Variants in IGF1R observed in about 807,000 individuals in gnomAD.
The protein encoded by IGF1R is insulin like growth factor 1 receptor.
A neutral mutation model predicts 144.6 loss-of-function variants in IGF1R; 44 were observed. The ratio of observed to expected loss-of-function variants is 0.30; its 90% CI spans 0.24 to 0.39. IGF1R has a LOEUF of 0.39. IGF1R is among the 10% of genes least tolerant of loss of function. IGF1R has a pLI of 1.00. For missense variants in IGF1R, 1,355 were observed against 1,833.7 expected (o/e 0.74, Z 4.77); for synonymous variants, 795 against 722.8 (o/e 1.10, Z -1.60).
intron 1 of IGF1R, among the ~76,000 whole-genome samples, chr15:98,676,136 C>A (rs2053037389): frequency 6.6e-6 from 1 of 151,746 alleles, no homozygotes; most frequent in Admixed American, 6.6e-5. Flanking sequence ...AGCCTAGAGA[C>A]TCTATTTTAT....
At chr15:98,680,257 A>T (rs1469968267) in intron 1 of IGF1R, among the ~76,000 whole-genome samples, 1 of 147,226 alleles carries the variant, frequency 6.8e-6, no homozygotes, top group Non-Finnish European at 1.5e-5. Flanking sequence ...GTACTCCCAT[A>T]TACGTATGTA....
intron 19 of IGF1R, among the ~76,000 whole-genome samples, chr15:98,943,620 G>A (rs1032299260): frequency 2.6e-5 from 4 of 152,206 alleles, no homozygotes; most frequent in Non-Finnish European, 5.9e-5. Context: ...GAAGCCCATC[G>A]ACCGAGGGAT....
chr15:98,952,065 G>A (rs150454741), intron 20 of IGF1R, among the ~76,000 whole-genome samples: 2 of 152,248 alleles, frequency 1.3e-5, no homozygotes, highest in Non-Finnish European at 2.9e-5. Context: ...TAGGCAGCAG[G>A]CCAGATTTTA....
intron 2 of IGF1R, among the ~76,000 whole-genome samples, chr15:98,816,787 A>G (rs1276805571): frequency 1.3e-5 from 2 of 152,182 alleles, no homozygotes; most frequent in African/African-American, 2.4e-5. Context: ...CAAACATGGC[A>G]GCTTTCTTTG....
At chr15:98,698,203 T>C (rs113967810) in intron 1 of IGF1R, among the ~76,000 whole-genome samples, 12,327 of 151,488 alleles carry the variant, frequency 0.081, 692 homozygotes, top group African/African-American at 0.15. Flanking sequence ...CATGCCTGGC[T>C]AATTTTTGTA....
intron 1 of IGF1R, among the ~76,000 whole-genome samples, chr15:98,674,184 G>A (rs1025703113): frequency 2.6e-5 from 4 of 152,158 alleles, no homozygotes; most frequent in Non-Finnish European, 5.9e-5. Flanking sequence ...CATTGAAACA[G>A]GATTTGTTAT....
intron 2 of IGF1R, among the ~76,000 whole-genome samples, chr15:98,750,107 T>C (rs1263548284): frequency 6.6e-6 from 1 of 151,270 alleles, no homozygotes; most frequent in Non-Finnish European, 1.5e-5. Flanking sequence ...TTCTCTTTTG[T>C]CATTCTCAAC....
chr15:98,657,234 A>T (rs2052506797), intron 1 of IGF1R, among the ~76,000 whole-genome samples: 1 of 152,224 alleles, frequency 6.6e-6, no homozygotes, highest in Non-Finnish European at 1.5e-5. Flanking sequence ...AGATGAATTT[A>T]TTTGTAGGAG....
Position 98,707,590 on chromosome 15 carries a change from C to G in IGF1R, c.123C>G (p.Asn41Lys). The G allele has an allele frequency of 6.2e-7, 1 of 1,614,242 alleles. No individual in the cohort carries two copies. The highest frequency in any genetic ancestry group is 8.5e-7 in the Non-Finnish European group (1 of 1,180,036). Reference sequence around the variant, plus strand: ...GCGGGCCAGGCATCGACATCCGCAACGACTATCAGCAGCTGAAGCGCCTGG... The same window carrying G: ...GCGGGCCAGGCATCGACATCCGCAAGGACTATCAGCAGCTGAAGCGCCTGG... The part of the protein sequence containing the change: ...EICGPGIDIR[N>K]DYQQLKRLEN... The change falls in exon 2 of 21, where the codon AAC becomes AAG. Residue 41 changes from asparagine (N) to lysine (K), a missense_variant. This residue lies in a region of IGF1R where 75 missense variants were observed against 160.0 expected (regional missense o/e 0.47). Coordinates refer to ENST00000650285, the MANE Select transcript of IGF1R (RefSeq NM_000875.5). The surrounding 1 kb of genome is among the most constrained non-coding windows in gnomAD (Gnocchi z 6.7).
At chr15:98,844,085 ATTTG>A (rs1187242124) in intron 2 of IGF1R, among the ~76,000 whole-genome samples, 3 of 152,208 alleles carry the variant, frequency 2.0e-5, no homozygotes, top group East Asian at 1.9e-4. Context: ...AATAATATCT[ATTTG>A]TTCATGTTAG....
chr15:98,706,996 T>G (rs2053880145), intron 1 of IGF1R, among the ~76,000 whole-genome samples: 1 of 152,198 alleles, frequency 6.6e-6, no homozygotes, highest in African/African-American at 2.4e-5. Context: ...GAGAACACAG[T>G]CTACTCGGCT....
At chr15:98,818,951 C>T (rs1454946785) in intron 2 of IGF1R, among the ~76,000 whole-genome samples, 13 of 152,088 alleles carry the variant, frequency 8.5e-5, no homozygotes, top group Admixed American at 8.5e-4. Context: ...GTGAAAGATA[C>T]CTCTGAGACA....
rs1491024432 is a variant in IGF1R, at chr15:98,869,304, AAC to A, written c.641-22019_641-22018del. ...CAGCTTTCAATTAAAAAAAACAAAC[AAC>A]AACAACAACAAAAAAAAACACCACA... On this transcript the variant is annotated intron_variant, in intron 2 of 20. Transcript: ENST00000650285. Among the ~76,000 whole-genome samples, 419 of 92,168 alleles carry A rather than the reference AAC, an allele frequency of 4.5e-3. 4 individuals carry two copies. Among genetic ancestry groups the A allele is most frequent in the African/African-American group, 0.019 (393 of 21,206 alleles). The allele number at this position is 92,168 out of a possible 152,430, so 60.5% of individuals were successfully genotyped here.
intron 2 of IGF1R, among the ~76,000 whole-genome samples, chr15:98,860,706 C>G (rs936779283): frequency 1.3e-5 from 2 of 152,112 alleles, no homozygotes; most frequent in Non-Finnish European, 1.5e-5. Context: ...TTATTGTGTT[C>G]TTATGGTTTG....
chr15:98,731,165 C>A (rs74937457), intron 2 of IGF1R, among the ~76,000 whole-genome samples: 1 of 152,156 alleles, frequency 6.6e-6, no homozygotes, highest in East Asian at 1.9e-4. Context: ...AGTGATAATT[C>A]TTCTGGAATC....
At chr15:98,723,593 C>T (rs969823805) in intron 2 of IGF1R, among the ~76,000 whole-genome samples, 17 of 152,100 alleles carry the variant, frequency 1.1e-4, no homozygotes, top group Non-Finnish European at 2.5e-4. Flanking sequence ...GATTTTTCTG[C>T]CTGTTAATAG....
chr15:98,928,435 A>G (rs1240075952), intron 13 of IGF1R, among the ~76,000 whole-genome samples: 1 of 152,212 alleles, frequency 6.6e-6, no homozygotes, highest in Non-Finnish European at 1.5e-5. Flanking sequence ...ATTTCCCTGG[A>G]ACGCGAATCT....
At chr15:98,759,656 A>G (rs1176949978) in intron 2 of IGF1R, among the ~76,000 whole-genome samples, 3 of 152,202 alleles carry the variant, frequency 2.0e-5, no homozygotes, top group Non-Finnish European at 4.4e-5. Flanking sequence ...ATAAAATAAA[A>G]TTTATTTTCA....
At chr15:98,687,202 G>A (rs1043962349) in intron 1 of IGF1R, among the ~76,000 whole-genome samples, 1 of 152,216 alleles carries the variant, frequency 6.6e-6, no homozygotes, top group Admixed American at 6.5e-5. Context: ...TAAATACAGT[G>A]CAGTTCCAGC....
Sources: gnomAD v4.1 joint callset for allele counts (sites outside exome capture counted in the v4.1 genomes callset) on GRCh38, gnomAD v4.1.1 for gene constraint, gnomAD v4.1.1 regional missense constraint, Gnocchi (gnomAD v3.1) non-coding constraint, MANE v1.5 for transcripts, NCBI Gene and HGNC (gene_info 2026-07-23, HGNC 2026-07-21) for gene names.